Variants in VPS13B observed in about 807,000 individuals in gnomAD.
VPS13B encodes vacuolar protein sorting 13 homolog B.
A neutral mutation model predicts 426.4 loss-of-function variants in VPS13B; 285 were observed. The ratio of observed to expected loss-of-function variants is 0.67; its 90% CI spans 0.61 to 0.74. VPS13B has a LOEUF of 0.74. VPS13B is among the 30% of genes least tolerant of loss of function. The probability of loss-of-function intolerance (pLI) is 0.00; values close to 1 mark genes in which losing one functional copy is unlikely to be tolerated. For synonymous variants in VPS13B, 1,676 were observed against 1,676.4 expected, an observed-to-expected ratio of 1.00 and a Z score of 0.01; for missense variants, 4,537 against 4,782.6, an observed-to-expected ratio of 0.95 and a Z score of 1.51.
At chr8:99,249,399 A>T (rs1378511229) in intron 17 of VPS13B, among the ~76,000 whole-genome samples, 2 of 149,824 alleles carry the variant, frequency 1.3e-5, no homozygotes, top group Non-Finnish European at 3.0e-5. Context: ...CTAAGAGTAC[A>T]GTTACTGGGC....
At chr8:99,075,380 T>C (rs1305125756) in intron 3 of VPS13B, among the ~76,000 whole-genome samples, 1 of 151,476 alleles carries the variant, frequency 6.6e-6, no homozygotes, top group Non-Finnish European at 1.5e-5. Context: ...CAAGAGAGAG[T>C]GCTGGGGAGG....
At chr8:99,366,597 C>G (rs1812907349) in intron 19 of VPS13B, among the ~76,000 whole-genome samples, 1 of 149,638 alleles carries the variant, frequency 6.7e-6, no homozygotes, top group Admixed American at 6.7e-5. Flanking sequence ...CATTTATATT[C>G]AGTGTTATTA....
chr8:99,119,571 A>C (rs1847838865), intron 7 of VPS13B: 1 of 151,972 alleles, frequency 6.6e-6, no homozygotes, highest in Admixed American at 6.6e-5. Context: ...TTTGCACCTT[A>C]TATAAAACTT....
At chr8:99,196,779 G>A (rs1379546957) in intron 17 of VPS13B, among the ~76,000 whole-genome samples, 2 of 152,070 alleles carry the variant, frequency 1.3e-5, no homozygotes, top group South Asian at 2.1e-4. Context: ...ACAAGTAGAG[G>A]CAATTTAACT....
At chr8:99,617,771 T>A (rs1828159171) in intron 33 of VPS13B, among the ~76,000 whole-genome samples, 1 of 152,228 alleles carries the variant, frequency 6.6e-6, no homozygotes, top group Admixed American at 6.5e-5. Flanking sequence ...TTCTAAACAA[T>A]TTTTCCACCC....
intron 22 of VPS13B, among the ~76,000 whole-genome samples, chr8:99,435,258 A>G (rs948008775): frequency 6.6e-6 from 1 of 152,212 alleles, no homozygotes; most frequent in Non-Finnish European, 1.5e-5. Context: ...TTTAAAGTTT[A>G]CTATAGATCT....
intron 14 of VPS13B, among the ~76,000 whole-genome samples, chr8:99,153,012 A>C (rs558648779): frequency 1.6e-3 from 236 of 152,242 alleles, no homozygotes; most frequent in African/African-American, 5.3e-3. Flanking sequence ...CTACAAAAAA[A>C]TACAAAAGTT....
At chr8:99,554,222 C>T (rs1490481184) in intron 30 of VPS13B, among the ~76,000 whole-genome samples, 2 of 151,420 alleles carry the variant, frequency 1.3e-5, no homozygotes, top group Non-Finnish European at 2.9e-5. Flanking sequence ...ATTTTTTTTC[C>T]TTCAAAGGTA....
intron 8 of VPS13B, among the ~76,000 whole-genome samples, chr8:99,130,146 C>T (rs1809701126): frequency 6.6e-6 from 1 of 152,084 alleles, no homozygotes; most frequent in African/African-American, 2.4e-5. Flanking sequence ...ATTTATGTTT[C>T]TTAAAGTTTG....
At chr8:99,310,754 A>G (rs1820915729) in intron 19 of VPS13B, among the ~76,000 whole-genome samples, 1 of 152,116 alleles carries the variant, frequency 6.6e-6, no homozygotes, top group Admixed American at 6.5e-5. Context: ...ATAGTTTCAG[A>G]AGGAATGGTA....
At chr8:99,180,796 A>C (rs1451793113) in intron 16 of VPS13B, among the ~76,000 whole-genome samples, 2 of 152,200 alleles carry the variant, frequency 1.3e-5, no homozygotes, top group South Asian at 2.1e-4. Context: ...GAGGTGGTCT[A>C]TTCACAAATA....
At chr8:99,651,764 C>T (rs1449792) in intron 34 of VPS13B, among the ~76,000 whole-genome samples, 20,843 of 152,130 alleles carry the variant, frequency 0.14, 1,979 homozygotes, top group East Asian at 0.39. Context: ...CTCAAAAAGT[C>T]ATTTTTCTTC....
chr8:99,720,198 G>A (rs1391491131), intron 37 of VPS13B, 147 bp from the exon 38 acceptor site: 6 of 673,056 alleles, frequency 8.9e-6, no homozygotes, highest in South Asian at 2.0e-5. Flanking sequence ...CATCCTGTAA[G>A]TCAATTACTT....
chr8:99,192,554 C>G (rs1292680812), intron 16 of VPS13B, among the ~76,000 whole-genome samples: 2 of 152,124 alleles, frequency 1.3e-5, no homozygotes, highest in Non-Finnish European at 2.9e-5. Context: ...CTAGTAAATC[C>G]TTTCTAAGTG....
intron 43 of VPS13B, among the ~76,000 whole-genome samples, chr8:99,800,024 T>A (rs1019600081): frequency 9.2e-5 from 14 of 152,184 alleles, no homozygotes; most frequent in African/African-American, 3.4e-4. Flanking sequence ...CACTGAAGAA[T>A]TGGGTCTAAC....
At chr8:99,566,051 T>C (rs1825162689) in intron 31 of VPS13B, among the ~76,000 whole-genome samples, 1 of 152,166 alleles carries the variant, frequency 6.6e-6, no homozygotes, top group African/African-American at 2.4e-5. Flanking sequence ...GGCAAAAGGA[T>C]TCATGTTACA....
intron 19 of VPS13B, among the ~76,000 whole-genome samples, chr8:99,377,829 G>A (rs578248379): frequency 1.6e-4 from 24 of 152,302 alleles, no homozygotes; most frequent in African/African-American, 2.2e-4. Context: ...TATGAATAGG[G>A]TGTGGGTCAC....
At chr8:99,485,007 T>C (rs959179140) in intron 25 of VPS13B, among the ~76,000 whole-genome samples, 4 of 152,176 alleles carry the variant, frequency 2.6e-5, no homozygotes, top group African/African-American at 9.7e-5. Context: ...ACATTTTCAA[T>C]TTAGTGAGTC....
chr8:99,377,992 G>A (rs989437746), intron 19 of VPS13B, among the ~76,000 whole-genome samples: 1 of 152,174 alleles, frequency 6.6e-6, no homozygotes, highest in Non-Finnish European at 1.5e-5. Flanking sequence ...GGTTCAAGAG[G>A]AGAGAACCAG....
Sources: allele counts gnomAD v4.1 joint callset (sites outside exome capture counted in the v4.1 genomes callset), GRCh38; gene constraint gnomAD v4.1.1; transcripts MANE v1.5; gene names NCBI Gene and HGNC (gene_info 2026-07-23, HGNC 2026-07-21).